The following PGAP6 variants were observed in gnomAD, a reference collection of about 807,000 sequenced individuals.
PGAP6 encodes post-GPI attachment to proteins 6.
PGAP6 carries 62 observed loss-of-function variants against 68.4 expected under a neutral mutation model. The ratio of observed to expected loss-of-function variants is 0.91; its 90% CI spans 0.74 to 1.12. PGAP6 has a LOEUF of 1.12. Among genes scored for constraint, PGAP6 ranks in the 50% most tolerant of loss-of-function variants. The pLI, the probability that PGAP6 is intolerant of heterozygous loss-of-function variation, is 0.00. For synonymous variants in PGAP6, 575 were observed against 474.0 expected (o/e 1.21, Z -2.77); for missense variants, 1,188 against 1,068.5 (o/e 1.11, Z -1.56).
chr16:372,438 A>T, intron 12 of PGAP6, 155 bp from the exon 13 acceptor site: 3 of 991,224 alleles, frequency 3.0e-6, no homozygotes, highest in Non-Finnish European at 4.6e-6. Flanking sequence ...ACTGGTCCTC[A>T]GGCCCAGGCC....
chr16:378,994 G>A (rs940556005), intron 1 of PGAP6, among the ~76,000 whole-genome samples: 1 of 152,200 alleles, frequency 6.6e-6, no homozygotes, highest in Non-Finnish European at 1.5e-5. Context: ...CTCCAGCCTC[G>A]TGCCCTTGCG....
Position 376,199 on chromosome 16 carries a change from C to G in PGAP6, c.1161G>C (p.Arg387=). Reference sequence around the variant, plus strand: ...TGTCCATGCCGGTGTTCAGGCGCAGCCGCATCACGGAGGGCGTGTCCGAAC... The same window carrying G: ...TGTCCATGCCGGTGTTCAGGCGCAGGCGCATCACGGAGGGCGTGTCCGAAC... ...RVCSDTPSVM[R]LRLNTGMDSG... is the part of the protein sequence containing the mutation. Residue 387 remains arginine (R), a synonymous_variant, in exon 6 of 13, where the codon CGG becomes CGC. Coordinates refer to ENST00000431232, the MANE Select transcript of PGAP6 (RefSeq NM_021259.3). 6.2e-7 allele frequency: 1 copy of G among 1,612,566 alleles called. No individual in the cohort carries two copies. Among genetic ancestry groups the G allele is most frequent in the African/African-American group, 1.3e-5 (1 of 75,074 alleles).
chr16:372,516 T>G (rs62030794), intron 12 of PGAP6, 95 bp downstream of exon 12: 102,791 of 1,083,740 alleles, frequency 0.095, 7,501 homozygotes, highest in South Asian at 0.31. Context: ...GGGCATTCAC[T>G]GGTTGGAGCA....
intron 1 of PGAP6, among the ~76,000 whole-genome samples, chr16:380,081 C>T (rs894549689): frequency 8.5e-5 from 13 of 152,210 alleles, no homozygotes; most frequent in Admixed American, 6.5e-4. Flanking sequence ...TACTCCTCGG[C>T]AGGCTGGGAG....
chr16:380,925 A>G (rs1208575982), intron 1 of PGAP6, among the ~76,000 whole-genome samples: 1 of 152,218 alleles, frequency 6.6e-6, no homozygotes, highest in Non-Finnish European at 1.5e-5. Context: ...CGGCCCCTCC[A>G]GAGTCCCAGG....
Position 376,575 on chromosome 16 carries a change from T to C in PGAP6, c.873A>G (p.Thr291=). 6.4e-7 allele frequency: 1 copy of C among 1,561,048 alleles called. No individual in the cohort carries two copies. Among genetic ancestry groups the C allele is most frequent in the Non-Finnish European group, 8.7e-7 (1 of 1,152,956 alleles). Reference sequence around the variant, plus strand: ...GGGCAGCTACAGCACTGAAAGCCACTGTCCCGAGGGGCCCCACCAGGCTCT... The same window carrying C: ...GGGCAGCTACAGCACTGAAAGCCACCGTCCCGAGGGGCCCCACCAGGCTCT... ...TAESLVGPLG[T]VAFSAVAALT... is the part of the protein sequence containing the mutation. The change falls in exon 5 of 13, where the codon ACA becomes ACG. Residue 291 remains threonine (T), a synonymous_variant. Coordinates refer to ENST00000431232, the MANE Select transcript of PGAP6 (RefSeq NM_021259.3).
At chr16:377,953 C>T (rs1470136775) in intron 1 of PGAP6, 105 bp from the exon 2 acceptor site, 1 of 1,015,386 alleles carries the variant, frequency 9.8e-7, no homozygotes, top group African/African-American at 1.6e-5. Flanking sequence ...CCCGGGGACC[C>T]ACCTGGAGAT....
chr16:378,753 C>T (rs922682064), intron 1 of PGAP6, among the ~76,000 whole-genome samples: 5 of 152,232 alleles, frequency 3.3e-5, no homozygotes, highest in African/African-American at 1.2e-4. Flanking sequence ...AGCCCAAATT[C>T]CCCTTACCCA....
rs775061407 is a variant in PGAP6 at position 372,594 on chromosome 16, C to T, written c.2019+17G>A. ...CCGAGCACCTGGGCAGCAGTGCCAG[C>T]CAGCCCGGCTCCTTACCCACATGGA... On this transcript the variant is annotated intron_variant, in intron 12 of 12. Coordinates refer to ENST00000431232, the MANE Select transcript of PGAP6 (RefSeq NM_021259.3). The T allele has an allele frequency of 6.9e-6, 11 of 1,593,898 alleles. No individual in the cohort carries two copies. The South Asian group carries it at 1.1e-4, about 16-fold the overall frequency.
chr16:380,527 C>T (rs560971115), intron 1 of PGAP6, among the ~76,000 whole-genome samples: 2 of 152,180 alleles, frequency 1.3e-5, no homozygotes, highest in African/African-American at 2.4e-5. Context: ...CCACCACTGC[C>T]GGCTAATTTT....
intron 11 of PGAP6, among the ~76,000 whole-genome samples, chr16:373,421 G>C (rs917962615): frequency 6.6e-6 from 1 of 152,184 alleles, no homozygotes; most frequent in African/African-American, 2.4e-5. Flanking sequence ...GGGGCTTCTC[G>C]AAGGCAGGGG....
chr16:378,993 C>T lies in PGAP6; in HGVS notation c.122-1145G>A, dbSNP rs370716534. Among the ~76,000 whole-genome samples, 115 of 152,342 alleles carry T rather than the reference C, an allele frequency of 7.5e-4. 2 individuals are homozygous for T. Among genetic ancestry groups the T allele is most frequent in the African/African-American group, 2.5e-3 (104 of 41,584 alleles). ...CAGCCCCCCGTGCCAGCTCCAGCCT[C>T]GTGCCCTTGCGACCTTGGGCATCCT... On this transcript the variant is annotated intron_variant, in intron 1 of 12. Transcript: ENST00000431232.
chr16:379,011 G>C (rs966582630), intron 1 of PGAP6, among the ~76,000 whole-genome samples: 6 of 152,308 alleles, frequency 3.9e-5, no homozygotes, highest in Admixed American at 1.3e-4. Flanking sequence ...TGCGACCTTG[G>C]GCATCCTTCC....
upstream of PGAP6, among the ~76,000 whole-genome samples, chr16:384,660 C>T (rs1597169929): frequency 6.6e-6 from 1 of 151,762 alleles, no homozygotes; most frequent in African/African-American, 2.4e-5. Flanking sequence ...TCGAGACCAT[C>T]CTGGGCTAAC....
intron 6 of PGAP6, among the ~76,000 whole-genome samples, 191 bp from the exon 7 acceptor site, chr16:375,626 G>T (rs1156274674): frequency 6.6e-6 from 1 of 151,958 alleles, no homozygotes; most frequent in East Asian, 1.9e-4. Flanking sequence ...TCCGCCCCTG[G>T]GTTCATGCCA....
chr16:386,961 A>G (rs2054490167), upstream of PGAP6: 1 of 568,348 alleles, frequency 1.8e-6, no homozygotes, highest in Non-Finnish European at 3.4e-6. Context: ...GAGCACCCCC[A>G]GGAGAAACAA....
chr16:371,887 G>T lies in PGAP6; in HGVS notation c.*100C>A, dbSNP rs1015492618. 3 of 1,360,514 alleles carry T rather than the reference G, an allele frequency of 2.2e-6. No individual in the cohort carries two copies. Among genetic ancestry groups the T allele is most frequent in the Non-Finnish European group, 3.0e-6 (3 of 996,252 alleles). The allele number at this position is 1,360,514 out of a possible 1,614,324, so 84.3% of individuals were successfully genotyped here. On this transcript the variant is annotated 3_prime_UTR_variant, in exon 13 of 13. Transcript: ENST00000431232. ...GAGGGTATCTAGGCCAATTTATTCAGCTGGAAATCAATCTGTCCAGGGCTG... is the reference window on the plus strand; with the variant it reads ...GAGGGTATCTAGGCCAATTTATTCATCTGGAAATCAATCTGTCCAGGGCTG...
At chr16:381,650 G>C (rs1255450468) in intron 1 of PGAP6, 51 bp downstream of exon 1, 34 of 986,794 alleles carry the variant, frequency 3.4e-5, no homozygotes, top group South Asian at 4.8e-5. Context: ...ATCCCGCCCC[G>C]CCCGCAGCCC....
chr16:381,255 C>G (rs868304001), intron 1 of PGAP6, among the ~76,000 whole-genome samples: 1 of 152,244 alleles, frequency 6.6e-6, no homozygotes, highest in Non-Finnish European at 1.5e-5. Flanking sequence ...GGAGCCATGA[C>G]GCCCACGGGC....
Sources: allele counts gnomAD v4.1 joint callset (sites outside exome capture counted in the v4.1 genomes callset), GRCh38; gene constraint gnomAD v4.1.1; transcripts MANE v1.5; gene names NCBI Gene and HGNC (gene_info 2026-07-23, HGNC 2026-07-21).